Variants in PIEZO2 observed in about 807,000 individuals in gnomAD.
PIEZO2 encodes piezo-type mechanosensitive ion channel component 2.
In PIEZO2, 172 loss-of-function variants were observed where a neutral mutation model predicts 337.3. That is an observed-to-expected ratio of 0.51 (90% CI 0.45 to 0.58). PIEZO2 has a LOEUF of 0.58. Among genes scored for constraint, PIEZO2 ranks in the 20% least tolerant of loss-of-function variants. The probability of loss-of-function intolerance (pLI) is 0.00; values close to 1 mark genes in which losing one functional copy is unlikely to be tolerated. For synonymous variants in PIEZO2, 1,251 were observed against 1,228.5 expected (o/e 1.02, Z -0.38); for missense variants, 3,028 against 3,391.3 (o/e 0.89, Z 2.66).
At chr18:11,124,739 G>T (rs1221206608) in intron 1 of PIEZO2, among the ~76,000 whole-genome samples, 1 of 152,088 alleles carries the variant, frequency 6.6e-6, no homozygotes, top group African/African-American at 2.4e-5. Flanking sequence ...GTAGAGTCAA[G>T]AAAAACCCAG....
intron 1 of PIEZO2, among the ~76,000 whole-genome samples, chr18:11,107,038 C>A (rs1026604996): frequency 6.6e-6 from 1 of 152,104 alleles, no homozygotes; most frequent in East Asian, 1.9e-4. Context: ...ATTGGTTGAC[C>A]CCCCCAGTGC....
At chr18:11,141,462 A>AG (rs2040643435) in intron 1 of PIEZO2, among the ~76,000 whole-genome samples, 1 of 152,220 alleles carries the variant, frequency 6.6e-6, no homozygotes, top group African/African-American at 2.4e-5. Context: ...CCAAGAGGCC[A>AG]GGTTGGAGGC....
chr18:10,889,680 G>A (rs10853191), intron 4 of PIEZO2, among the ~76,000 whole-genome samples: 36,643 of 152,024 alleles, frequency 0.24, 4,452 homozygotes, highest in Non-Finnish European at 0.26. Context: ...GGAAGGTACA[G>A]GTGAAGCAGG....
Position 10,726,572 on chromosome 18 carries a change from T to C in PIEZO2, c.5029+4835A>G, listed in dbSNP as rs2144022742. ...AGCCGCCACGCTGTGCGTCTGTCCTTCCGCCAGCTCTTCCAGGACCTGGCG... is the reference window on the plus strand; with the variant it reads ...AGCCGCCACGCTGTGCGTCTGTCCTCCCGCCAGCTCTTCCAGGACCTGGCG... On this transcript the variant is annotated intron_variant, in intron 36 of 55. Transcript: ENST00000674853. The surrounding 1 kb of genome is among the most constrained non-coding windows in gnomAD (Gnocchi z 5.9). 2 of 1,405,092 alleles carry C rather than the reference T, an allele frequency of 1.4e-6. No homozygotes were observed. The highest frequency in any genetic ancestry group is 1.9e-6 in the Non-Finnish European group (2 of 1,058,054). 87.0% of individuals were successfully genotyped at this position (1,405,092 alleles called of 1,614,324 possible). A position where few individuals can be genotyped will look rare whatever the true frequency, so the allele number is the denominator to read the frequency against.
chr18:10,956,981 A>G (rs377572281), intron 3 of PIEZO2, among the ~76,000 whole-genome samples: 1 of 43,374 alleles, frequency 2.3e-5, no homozygotes, highest in South Asian at 5.7e-4. Flanking sequence ...AAAAAAAAAA[A>G]AAAAAGAAAT....
intron 2 of PIEZO2, among the ~76,000 whole-genome samples, chr18:11,056,596 G>A (rs1053818552): frequency 4.6e-5 from 7 of 152,130 alleles, no homozygotes; most frequent in Non-Finnish European, 7.4e-5. Context: ...TTACTGAAGG[G>A]GATGGACCAA....
chr18:11,050,007 A>G (rs1280885430), intron 2 of PIEZO2, among the ~76,000 whole-genome samples: 1 of 152,166 alleles, frequency 6.6e-6, no homozygotes, highest in Non-Finnish European at 1.5e-5. Flanking sequence ...AGTGTTTCCT[A>G]AACTGAGAAT....
chr18:11,022,286 C>T (rs1043419205), intron 2 of PIEZO2, among the ~76,000 whole-genome samples: 4 of 152,032 alleles, frequency 2.6e-5, no homozygotes, highest in Non-Finnish European at 5.9e-5. Flanking sequence ...TTGCTTAGTT[C>T]TTGTTCTGAG....
At chr18:11,011,113 A>G (rs992381861) in intron 2 of PIEZO2, among the ~76,000 whole-genome samples, 1 of 152,236 alleles carries the variant, frequency 6.6e-6, no homozygotes, top group African/African-American at 2.4e-5. Flanking sequence ...TAACACACAA[A>G]TAGCCTCCTA....
chr18:10,852,086 A>G (rs1308797995), intron 7 of PIEZO2, among the ~76,000 whole-genome samples: 4 of 152,230 alleles, frequency 2.6e-5, no homozygotes, highest in African/African-American at 7.2e-5. Context: ...TGTGTTCAAC[A>G]AACTAAAAAT....
At position 10,759,562 on chromosome 18, in the gene PIEZO2, C is replaced by T. The variant is rs1347316552; in HGVS notation, c.3677G>A (p.Gly1226Asp). ...PCRDYPWRFK[G>D]ASFNDNIIKW... ...TATGATGTTGTCATTGAAGCTGGCA[C>T]CCTTGAATCTCCACGGGTAATCTGC... The change falls in exon 26 of 56, where the codon GGT (glycine) becomes GAT (aspartate). Residue 1226 changes from glycine (G) to aspartate (D), a missense_variant. By Grantham distance (94) the Gly-to-Asp change is moderately conservative (BLOSUM62 -1). Around this residue, in one of 5 missense-constraint regions of PIEZO2, gnomAD observed 1,925 missense variants for 2,051.9 expected, o/e 0.94. Transcript: ENST00000674853. This position sits in a 1 kb window ranked among gnomAD's most constrained non-coding sequence, Gnocchi z 5.5. 1.3e-6 allele frequency: 2 copies of T among 1,537,356 alleles called. No individual in the cohort carries two copies. The highest frequency in any genetic ancestry group is 1.7e-6 in the Non-Finnish European group (2 of 1,146,938).
intron 1 of PIEZO2, among the ~76,000 whole-genome samples, chr18:11,122,518 A>C (rs1235964688): frequency 1.3e-5 from 2 of 152,188 alleles, no homozygotes; most frequent in African/African-American, 4.8e-5. Flanking sequence ...CTTCCATCTG[A>C]TATGGTCATT....
chr18:10,680,403 G>C, intron 51 of PIEZO2, 32 bp from the exon 52 acceptor site: 1 of 1,564,702 alleles, frequency 6.4e-7, no homozygotes, highest in Admixed American at 1.7e-5. Context: ...TGCATAAATA[G>C]ATTATATGCA....
rs2143385263 is a variant in PIEZO2, at chr18:10,672,393, T to C, written c.8345+297A>G. Among the ~76,000 whole-genome samples the C allele has an allele frequency of 6.6e-6, 1 of 152,310 alleles. No homozygotes were observed. The highest frequency in any genetic ancestry group is 2.1e-4 in the South Asian group (1 of 4,828). Reference sequence around the variant, plus strand: ...GAAGGAAATCTAAGCAGAAAAGTGATATTTCTGTGCTAATTTATACAAGTA... The same window carrying C: ...GAAGGAAATCTAAGCAGAAAAGTGACATTTCTGTGCTAATTTATACAAGTA... On this transcript the variant is annotated intron_variant, in intron 55 of 55. Transcript: ENST00000674853. The surrounding 1 kb of genome is among the most constrained non-coding windows in gnomAD (Gnocchi z 4.7).
intron 14 of PIEZO2, among the ~76,000 whole-genome samples, chr18:10,790,970 C>G (rs919389747): frequency 2.6e-5 from 4 of 152,212 alleles, no homozygotes; most frequent in African/African-American, 9.6e-5. Flanking sequence ...TCCCAAAGTG[C>G]TGGGATTACA....
In PIEZO2 at chr18:11,035,821, G is replaced by T. The variant is rs776120353; in HGVS notation, c.160+30306C>A. Among the ~76,000 whole-genome samples, 1 of 152,204 alleles carries T rather than the reference G, an allele frequency of 6.6e-6. No homozygotes were observed. Among genetic ancestry groups the T allele is most frequent in the Admixed American group, 6.5e-5 (1 of 15,290 alleles). On this transcript the variant is annotated intron_variant, in intron 2 of 55. Coordinates refer to ENST00000674853, the MANE Select transcript of PIEZO2 (RefSeq NM_001378183.1). This position sits in a 1 kb window ranked among gnomAD's most constrained non-coding sequence, Gnocchi z 4.3. ...AACTCCTAAAATAATATGAAACTCT[G>T]ACTCTTAAAGCCCATGGGTGTCTCC...
intron 3 of PIEZO2, among the ~76,000 whole-genome samples, chr18:10,972,058 C>T (rs568760616): frequency 2.0e-5 from 3 of 151,616 alleles, no homozygotes; most frequent in South Asian, 2.1e-4. Context: ...TTTGGGAGGC[C>T]GAGGTGGGTA....
intron 7 of PIEZO2, among the ~76,000 whole-genome samples, chr18:10,812,269 C>T (rs1403989497): frequency 6.6e-6 from 1 of 152,170 alleles, no homozygotes; most frequent in African/African-American, 2.4e-5. Context: ...CAGACTACTA[C>T]GAATAAAAAT....
chr18:10,804,411 C>G (rs2039929025), intron 8 of PIEZO2, among the ~76,000 whole-genome samples: 1 of 152,200 alleles, frequency 6.6e-6, no homozygotes, highest in South Asian at 2.1e-4. Flanking sequence ...ATCTAGAGCT[C>G]ACACAGCACT....
Sources: allele counts gnomAD v4.1 joint callset (sites outside exome capture counted in the v4.1 genomes callset), GRCh38; gene constraint gnomAD v4.1.1; regional missense constraint gnomAD v4.1.1; non-coding constraint Gnocchi (gnomAD v3.1); transcripts MANE v1.5; gene names NCBI Gene and HGNC (gene_info 2026-07-23, HGNC 2026-07-21).